Variants in CFAP144 observed in about 807,000 individuals in gnomAD.
The protein encoded by CFAP144 is cilia and flagella associated protein 144, also known as cilia- and flagella-associated protein 144.
At chr1:43,156,315 A>G in the CFAP144 span, 1 of 1,608,496 alleles carries the variant, frequency 6.2e-7, no homozygotes, top group Non-Finnish European at 8.5e-7. Context: ...CACAAGTAGC[A>G]TCCCAGCGGA....
the CFAP144 span, chr1:43,152,866 C>T: frequency 5.6e-6 from 9 of 1,613,150 alleles, no homozygotes; most frequent in African/African-American, 8.0e-5. Flanking sequence ...TGCCCAGGGA[C>T]CAAGGAAGAA....
the CFAP144 span, among the ~76,000 whole-genome samples, chr1:43,147,218 C>G: frequency 6.6e-6 from 1 of 152,084 alleles, no homozygotes; most frequent in Non-Finnish European, 1.5e-5. Flanking sequence ...AGTGAAATGC[C>G]AGGGGCTGGA....
chr1:43,155,788 T>G, the CFAP144 span, among the ~76,000 whole-genome samples: 1 of 152,238 alleles, frequency 6.6e-6, no homozygotes, highest in Admixed American at 6.5e-5. Flanking sequence ...ATTCAGCCTC[T>G]CATCTCCTGG....
the CFAP144 span, among the ~76,000 whole-genome samples, chr1:43,154,185 AAT>A: frequency 2.2e-5 from 3 of 133,446 alleles, no homozygotes; most frequent in African/African-American, 5.6e-5. Context: ...TATATATGTA[AAT>A]ATATATAAAT....
the CFAP144 span, among the ~76,000 whole-genome samples, chr1:43,155,654 C>T: frequency 2.0e-5 from 3 of 152,176 alleles, no homozygotes; most frequent in Non-Finnish European, 4.4e-5. Flanking sequence ...GTAGCTGGGC[C>T]AGAAGAGGCT....
chr1:43,143,838 T>C, the CFAP144 span, among the ~76,000 whole-genome samples: 1 of 151,878 alleles, frequency 6.6e-6, no homozygotes, highest in African/African-American at 2.4e-5. Flanking sequence ...GCAAAGCTGC[T>C]GGTCTGCGCT....
the CFAP144 span, chr1:43,147,722 C>T: frequency 2.2e-6 from 3 of 1,360,532 alleles, no homozygotes; most frequent in African/African-American, 3.0e-5. Context: ...CAAGTGAGTA[C>T]AGTGCCAGAA....
chr1:43,144,581 C>A, the CFAP144 span, among the ~76,000 whole-genome samples: 1 of 152,102 alleles, frequency 6.6e-6, no homozygotes, highest in Non-Finnish European at 1.5e-5. Context: ...CAAGCCTGCA[C>A]CCTAGTCTTC....
the CFAP144 span, among the ~76,000 whole-genome samples, chr1:43,151,501 A>G: frequency 6.6e-6 from 1 of 151,988 alleles, no homozygotes; most frequent in Admixed American, 6.6e-5. Flanking sequence ...TTCTGGGAAG[A>G]CCTCTTGGAG....
At chr1:43,143,407 AAAGT>A in the CFAP144 span, among the ~76,000 whole-genome samples, 1 of 152,216 alleles carries the variant, frequency 6.6e-6, no homozygotes, top group Non-Finnish European at 1.5e-5. Context: ...AGTACAACTG[AAAGT>A]AAGGGAGGAA....
chr1:43,144,476 C>G, the CFAP144 span, among the ~76,000 whole-genome samples: 1 of 152,104 alleles, frequency 6.6e-6, no homozygotes, highest in African/African-American at 2.4e-5. Context: ...AGCAAGCTAC[C>G]TCAAATTTCT....
chr1:43,155,207 A>G, the CFAP144 span, among the ~76,000 whole-genome samples: 3 of 152,250 alleles, frequency 2.0e-5, no homozygotes, highest in African/African-American at 7.2e-5. Flanking sequence ...GTGTGAAGAT[A>G]GAAATCAGCC....
At chr1:43,144,059 G>C in the CFAP144 span, among the ~76,000 whole-genome samples, 1 of 152,210 alleles carries the variant, frequency 6.6e-6, no homozygotes, top group African/African-American at 2.4e-5. Flanking sequence ...CAGGGAAGGA[G>C]ACTGAGGCAC....
the CFAP144 span, chr1:43,150,775 AG>A: frequency 6.2e-7 from 1 of 1,609,984 alleles, no homozygotes; most frequent in Non-Finnish European, 8.5e-7. Context: ...TACAGTCACC[AG>A]GAAGCCCATG....
At chr1:43,148,241 G>A in the CFAP144 span, 4 of 719,874 alleles carry the variant, frequency 5.6e-6, no homozygotes, top group East Asian at 1.1e-4. Flanking sequence ...ACTTTGGAGA[G>A]GCCACATCAT....
At chr1:43,147,919 C>T in the CFAP144 span, 1 of 1,610,978 alleles carries the variant, frequency 6.2e-7, no homozygotes, top group Non-Finnish European at 8.5e-7. Flanking sequence ...CTGTGGAAGG[C>T]CCAGGCAAGA....
chr1:43,150,107 T>C, the CFAP144 span, among the ~76,000 whole-genome samples: 1 of 152,112 alleles, frequency 6.6e-6, no homozygotes, highest in Non-Finnish European at 1.5e-5. Context: ...ACGCCAACTC[T>C]CCATCCACGT....
the CFAP144 span, chr1:43,152,674 T>C: frequency 1.4e-6 from 1 of 703,000 alleles, no homozygotes; most frequent in Non-Finnish European, 2.3e-6. Context: ...GAAAGATGAG[T>C]GGAGAGACCA....
chr1:43,148,101 G>T, the CFAP144 span: 1 of 1,611,236 alleles, frequency 6.2e-7, no homozygotes, highest in South Asian at 1.1e-5. Context: ...GGCACGGCGG[G>T]GTGGGGGAAG....
Sources: gnomAD v4.1 joint callset for allele counts (sites outside exome capture counted in the v4.1 genomes callset) on GRCh38, gnomAD v4.1.1 for gene constraint, MANE v1.5 for transcripts, NCBI Gene and HGNC (gene_info 2026-07-23, HGNC 2026-07-21) for gene names.